The following LRRFIP2 variants were observed in gnomAD, a reference collection of about 807,000 sequenced individuals.
LRRFIP2 encodes LRR binding FLII interacting protein 2, also known as leucine-rich repeat flightless-interacting protein 2.
A neutral mutation model predicts 125.9 loss-of-function variants in LRRFIP2; 109 were observed. The observed-to-expected ratio is 0.87, with a 90% CI of 0.74 to 1.01. The LOEUF is 1.01. Ranked by LOEUF, LRRFIP2 falls within the 50% of genes least tolerant of loss-of-function variation. LRRFIP2 has a pLI of 0.00. For synonymous variants in LRRFIP2, 291 were observed against 293.1 expected (o/e 0.99, Z 0.07); for missense variants, 850 against 862.3 (o/e 0.99, Z 0.18).
At chr3:37,162,768 T>C (rs775211674) in intron 1 of LRRFIP2, among the ~76,000 whole-genome samples, 4 of 152,152 alleles carry the variant, frequency 2.6e-5, no homozygotes, top group African/African-American at 4.8e-5. Context: ...TCAAGAGACA[T>C]AATGAAGGAC....
At chr3:37,072,412 G>C (rs1260307892) in intron 21 of LRRFIP2, among the ~76,000 whole-genome samples, 1 of 141,860 alleles carries the variant, frequency 7.0e-6, no homozygotes, top group Non-Finnish European at 1.5e-5. Context: ...TGAGGCAGGA[G>C]AATCACTTGA....
chr3:37,080,065 G>C (rs1275516155), intron 19 of LRRFIP2, among the ~76,000 whole-genome samples: 1 of 152,144 alleles, frequency 6.6e-6, no homozygotes, highest in Non-Finnish European at 1.5e-5. Context: ...TGGATGATTT[G>C]TATGTTATTT....
At chr3:37,104,124 T>A (rs75219912) in intron 14 of LRRFIP2, among the ~76,000 whole-genome samples, 5,638 of 152,162 alleles carry the variant, frequency 0.037, 142 homozygotes, top group African/African-American at 0.06. Flanking sequence ...TTATTCACAA[T>A]AATAATAATA....
At chr3:37,123,170 T>TTTGTTGTTGTTGTTG (rs113012823) in intron 4 of LRRFIP2, among the ~76,000 whole-genome samples, 5 of 150,950 alleles carry the variant, frequency 3.3e-5, no homozygotes, top group African/African-American at 9.9e-5. Context: ...CTGATTTACA[T>TTTGTTGTTGTTGTTG]TTGTTGTTGT....
intron 3 of LRRFIP2, 83 bp downstream of exon 3, chr3:37,128,980 A>G: frequency 1.6e-6 from 2 of 1,231,280 alleles, no homozygotes; most frequent in Non-Finnish European, 1.2e-6. Context: ...TTCAAAGGAA[A>G]CCAGATTCAC....
At chr3:37,139,369 T>C (rs2095634554) in intron 2 of LRRFIP2, among the ~76,000 whole-genome samples, 1 of 152,334 alleles carries the variant, frequency 6.6e-6, no homozygotes. Flanking sequence ...ATATATAATG[T>C]AAATGATCTG....
chr3:37,113,550 C>T (rs2094637144), intron 7 of LRRFIP2, among the ~76,000 whole-genome samples: 4 of 152,090 alleles, frequency 2.6e-5, no homozygotes, highest in Admixed American at 2.6e-4. Flanking sequence ...GATCCTCCTG[C>T]CTCAACCTCC....
chr3:37,087,966 A>G (rs1241814801), intron 18 of LRRFIP2, among the ~76,000 whole-genome samples: 1 of 152,214 alleles, frequency 6.6e-6, no homozygotes, highest in Non-Finnish European at 1.5e-5. Context: ...GGAACTGGGT[A>G]AAAATGCAAA....
At chr3:37,157,549 G>T (rs1365574834) in intron 1 of LRRFIP2, among the ~76,000 whole-genome samples, 3 of 152,026 alleles carry the variant, frequency 2.0e-5, no homozygotes, top group Admixed American at 6.6e-5. Flanking sequence ...GAAGGAGAGG[G>T]AGGAGAGAGA....
chr3:37,084,984 G>A (rs1258296993), intron 18 of LRRFIP2, among the ~76,000 whole-genome samples: 3 of 152,130 alleles, frequency 2.0e-5, no homozygotes, highest in Non-Finnish European at 4.4e-5. Context: ...AGTTAATTTG[G>A]ACAAAGGGGT....
At chr3:37,115,158 G>A in intron 6 of LRRFIP2, 63 bp from the exon 7 acceptor site, 1 of 1,146,448 alleles carries the variant, frequency 8.7e-7, no homozygotes, top group South Asian at 1.4e-5. Context: ...AAGAAGAGAA[G>A]AAGTAATATT....
chr3:37,145,004 G>A (rs1289076971), intron 2 of LRRFIP2, among the ~76,000 whole-genome samples: 2 of 152,120 alleles, frequency 1.3e-5, no homozygotes, highest in Admixed American at 6.5e-5. Context: ...AAAAAACACT[G>A]AAAGACAAAT....
intron 16 of LRRFIP2, 88 bp from the exon 17 acceptor site, chr3:37,094,996 G>C: frequency 1.2e-6 from 1 of 812,058 alleles, no homozygotes; most frequent in South Asian, 1.4e-5. Context: ...GGTGGTTGGG[G>C]GAAGATGTGG....
Position 37,147,878 on chromosome 3 carries a change from C to T in LRRFIP2, c.90+1016G>A, listed in dbSNP as rs547872808. ...AATATACGGCAGGAAATGTTGCCAGCGATTCAATAGGTGACGCCCCTTCCC... is the reference window on the plus strand; with the variant it reads ...AATATACGGCAGGAAATGTTGCCAGTGATTCAATAGGTGACGCCCCTTCCC... On this transcript the variant is annotated intron_variant, in intron 2 of 27. Coordinates refer to ENST00000336686, the MANE Select transcript of LRRFIP2 (RefSeq NM_006309.4). 4.6e-5 allele frequency among the ~76,000 whole-genome samples: 7 copies of T among 152,266 alleles called. No individual in the cohort carries two copies. The South Asian group carries it at 1.2e-3, about 27-fold the overall frequency.
chr3:37,103,193 T>G (rs1228344493), intron 14 of LRRFIP2, among the ~76,000 whole-genome samples, 180 bp from the exon 15 acceptor site: 1 of 151,584 alleles, frequency 6.6e-6, no homozygotes, highest in South Asian at 2.1e-4. Flanking sequence ...AGAAAAGGGG[T>G]TCCTAAATGA....
At chr3:37,167,299 A>G (rs968116367) in intron 1 of LRRFIP2, among the ~76,000 whole-genome samples, 42 of 152,302 alleles carry the variant, frequency 2.8e-4, no homozygotes, top group African/African-American at 9.9e-4. Context: ...CCACAGTGAA[A>G]TACCACCCTA....
At chr3:37,147,266 T>C (rs1350425050) in intron 2 of LRRFIP2, among the ~76,000 whole-genome samples, 2 of 152,174 alleles carry the variant, frequency 1.3e-5, no homozygotes, top group African/African-American at 4.8e-5. Context: ...GTGAGAATGT[T>C]AGTTAGTTCA....
chr3:37,089,339 T>G (rs1220275861), intron 18 of LRRFIP2, among the ~76,000 whole-genome samples: 1 of 152,174 alleles, frequency 6.6e-6, no homozygotes, highest in Non-Finnish European at 1.5e-5. Context: ...TAGTACAGCA[T>G]GGGCAAATGC....
At chr3:37,167,249 T>G (rs1216798343) in intron 1 of LRRFIP2, among the ~76,000 whole-genome samples, 2 of 148,658 alleles carry the variant, frequency 1.3e-5, no homozygotes, top group Non-Finnish European at 3.0e-5. Flanking sequence ...AAAGAAAAGA[T>G]GCACAATGTC....
Sources: allele counts gnomAD v4.1 joint callset (sites outside exome capture counted in the v4.1 genomes callset), GRCh38; gene constraint gnomAD v4.1.1; transcripts MANE v1.5; gene names NCBI Gene and HGNC (gene_info 2026-07-23, HGNC 2026-07-21).